KCNH7: variants seen among roughly 807,000 people sequenced by gnomAD.
The protein encoded by KCNH7 is voltage-gated inwardly rectifying potassium channel KCNH7.
Under a neutral mutation model 120.8 loss-of-function variants are expected in KCNH7, and 49 were observed. The observed-to-expected ratio is 0.41, with a 90% CI of 0.32 to 0.51. The LOEUF is 0.51. Ranked by LOEUF, KCNH7 falls within the 20% of genes least tolerant of loss-of-function variation. The pLI is 0.38. For synonymous variants in KCNH7, 547 were observed against 516.1 expected, an observed-to-expected ratio of 1.06 and a Z score of -0.81; for missense variants, 1,097 against 1,446.6, an observed-to-expected ratio of 0.76 and a Z score of 3.92.
At chr2:162,502,966 G>A (rs1032543295) in intron 6 of KCNH7, among the ~76,000 whole-genome samples, 1 of 152,062 alleles carries the variant, frequency 6.6e-6, no homozygotes, top group Non-Finnish European at 1.5e-5. Context: ...AAATAAAGAG[G>A]TTATCTTAAA....
chr2:162,582,175 A>G (rs969968933), intron 2 of KCNH7, among the ~76,000 whole-genome samples: 6 of 151,850 alleles, frequency 4.0e-5, no homozygotes, highest in South Asian at 2.1e-4. Context: ...AGGATGTAAG[A>G]CTCCATTTGG....
chr2:162,651,810 A>C (rs529390326), intron 2 of KCNH7, among the ~76,000 whole-genome samples: 3 of 151,986 alleles, frequency 2.0e-5, no homozygotes, highest in African/African-American at 7.2e-5. Flanking sequence ...GTTAATTTAC[A>C]CTCCCACCAA....
intron 2 of KCNH7, among the ~76,000 whole-genome samples, chr2:162,756,103 TATAAA>T (rs1211919835): frequency 2.0e-5 from 3 of 152,190 alleles, no homozygotes; most frequent in Non-Finnish European, 4.4e-5. Flanking sequence ...ATAAGTGAGT[TATAAA>T]ATAAACATAA....
intron 2 of KCNH7, among the ~76,000 whole-genome samples, chr2:162,704,171 C>T (rs1686613229): frequency 6.6e-6 from 1 of 151,952 alleles, no homozygotes; most frequent in Non-Finnish European, 1.5e-5. Context: ...TTATGCCTCC[C>T]CAGCCACTGA....
Position 162,518,133 on chromosome 2 carries a change from A to G in KCNH7, c.489T>C (p.Pro163=). 1 of 1,609,884 alleles carries G rather than the reference A, an allele frequency of 6.2e-7. No homozygotes were observed. Among genetic ancestry groups the G allele is most frequent in the Non-Finnish European group, 8.5e-7 (1 of 1,177,376 alleles). ...TTCTGTAAGTGAGAACTCTCAGACCAGGGAATTTGAACCCAAAAAATTTCC... is the reference window on the plus strand; with the variant it reads ...TTCTGTAAGTGAGAACTCTCAGACCGGGGAATTTGAACCCAAAAAATTTCC... The part of the protein sequence containing the change: ...VNRKFFGFKF[P]GLRVLTYRKQ... Residue 163 remains proline (P), a synonymous_variant, in exon 4 of 16, where the codon CCT becomes CCC. Transcript: ENST00000332142.
intron 10 of KCNH7, among the ~76,000 whole-genome samples, chr2:162,397,655 C>A (rs1458845414): frequency 6.6e-6 from 1 of 151,816 alleles, no homozygotes; most frequent in Non-Finnish European, 1.5e-5. Context: ...ACCTGCTTTT[C>A]AAGGTCTTAT....
intron 2 of KCNH7, among the ~76,000 whole-genome samples, chr2:162,582,375 A>C (rs1032385402): frequency 2.6e-5 from 4 of 152,054 alleles, no homozygotes; most frequent in Non-Finnish European, 5.9e-5. Flanking sequence ...CTAGCATTTA[A>C]CCCTTTAGTA....
chr2:162,567,502 TC>T (rs1038122161), intron 2 of KCNH7, among the ~76,000 whole-genome samples: 3 of 151,758 alleles, frequency 2.0e-5, no homozygotes, highest in African/African-American at 4.8e-5. Context: ...TTTGCATTTT[TC>T]CCCCCACAGT....
chr2:162,626,042 A>G (rs1683543205), intron 2 of KCNH7, among the ~76,000 whole-genome samples: 1 of 152,162 alleles, frequency 6.6e-6, no homozygotes, highest in South Asian at 2.1e-4. Context: ...CTTTGGCTAT[A>G]GTTACTATAG....
At chr2:162,406,118 T>C (rs116484679) in intron 9 of KCNH7, among the ~76,000 whole-genome samples, 465 of 152,126 alleles carry the variant, frequency 3.1e-3, no homozygotes, top group African/African-American at 0.011. Flanking sequence ...TATTTGCTGT[T>C]TCTAAGCCCA....
At chr2:162,439,758 T>A (rs1688362565) in intron 7 of KCNH7, among the ~76,000 whole-genome samples, 1 of 152,034 alleles carries the variant, frequency 6.6e-6, no homozygotes, top group South Asian at 2.1e-4. Flanking sequence ...AAGCCCTAGA[T>A]GCCTTCTTAT....
intron 2 of KCNH7, among the ~76,000 whole-genome samples, chr2:162,552,922 G>C (rs530245607): frequency 1.5e-3 from 233 of 152,278 alleles, no homozygotes; most frequent in Non-Finnish European, 2.5e-3. Flanking sequence ...TTTCAGCCTT[G>C]TAACACCCTG....
intron 9 of KCNH7, among the ~76,000 whole-genome samples, chr2:162,420,001 AGGG>A (rs1687652030): frequency 6.6e-6 from 1 of 152,210 alleles, no homozygotes; most frequent in Non-Finnish European, 1.5e-5. Flanking sequence ...TTGGAGGTAG[AGGG>A]AAGACAGTTT....
intron 2 of KCNH7, among the ~76,000 whole-genome samples, chr2:162,594,476 T>C (rs182471987): frequency 1.3e-5 from 2 of 152,110 alleles, no homozygotes; most frequent in Admixed American, 6.6e-5. Context: ...AGCATTACTG[T>C]AATAACACAG....
intron 2 of KCNH7, among the ~76,000 whole-genome samples, chr2:162,684,823 T>G (rs1359068849): frequency 1.3e-5 from 2 of 152,036 alleles, no homozygotes; most frequent in African/African-American, 2.4e-5. Context: ...AGAAATACCA[T>G]TTGACCCAGC....
At chr2:162,404,726 C>T (rs1408318254) in intron 9 of KCNH7, among the ~76,000 whole-genome samples, 2 of 152,046 alleles carry the variant, frequency 1.3e-5, no homozygotes, top group Middle Eastern at 6.8e-3. Context: ...GAACCATAAG[C>T]CAATTAAACT....
At chr2:162,717,180 A>G (rs1398310733) in intron 2 of KCNH7, among the ~76,000 whole-genome samples, 1 of 152,088 alleles carries the variant, frequency 6.6e-6, no homozygotes, top group Non-Finnish European at 1.5e-5. Context: ...TTTAAAAAAG[A>G]TACTACTTCA....
intron 6 of KCNH7, among the ~76,000 whole-genome samples, chr2:162,452,028 TA>T (rs1688790774): frequency 6.6e-6 from 1 of 152,112 alleles, no homozygotes; most frequent in Non-Finnish European, 1.5e-5. Context: ...TTATTGTTTG[TA>T]GATACGGAAA....
At chr2:162,462,305 G>C (rs1405492278) in intron 6 of KCNH7, among the ~76,000 whole-genome samples, 2 of 152,172 alleles carry the variant, frequency 1.3e-5, no homozygotes, top group African/African-American at 2.4e-5. Context: ...GGATGTACTG[G>C]TGGGCTTGAA....
Sources: allele counts gnomAD v4.1 joint callset (sites outside exome capture counted in the v4.1 genomes callset), GRCh38; gene constraint gnomAD v4.1.1; transcripts MANE v1.5; gene names NCBI Gene and HGNC (gene_info 2026-07-23, HGNC 2026-07-21).